The following CDH20 variants were observed in gnomAD, a reference collection of about 807,000 sequenced individuals.
The protein encoded by CDH20 is cadherin 20.
A neutral mutation model predicts 74.2 loss-of-function variants in CDH20; 29 were observed. The ratio of observed to expected loss-of-function variants is 0.39; its 90% confidence interval spans 0.29 to 0.53. The LOEUF (loss-of-function observed/expected upper bound fraction) is 0.53, where lower values mean the gene tolerates loss of function less well. CDH20 is among the 20% of genes least tolerant of loss of function. The pLI is 0.69. For synonymous variants in CDH20, 469 were observed against 405.4 expected (o/e 1.16, Z -1.88); for missense variants, 988 against 1,048.3 (o/e 0.94, Z 0.79).
intron 6 of CDH20, among the ~76,000 whole-genome samples, chr18:61,523,014 T>G (rs1181519339): frequency 6.6e-6 from 1 of 151,792 alleles, no homozygotes; most frequent in Non-Finnish European, 1.5e-5. Flanking sequence ...GGCAAAGGCT[T>G]TGACTAAAAC....
intron 1 of CDH20, among the ~76,000 whole-genome samples, chr18:61,453,578 C>T (rs569068665): frequency 5.3e-5 from 8 of 152,294 alleles, no homozygotes; most frequent in South Asian, 2.1e-4. Flanking sequence ...CACGCCCAGC[C>T]GATCTAACCT....
At chr18:61,440,821 CTT>C (rs775273844) in intron 1 of CDH20, among the ~76,000 whole-genome samples, 1 of 152,122 alleles carries the variant, frequency 6.6e-6, no homozygotes, top group East Asian at 1.9e-4. Flanking sequence ...GCACAGGTCT[CTT>C]GAGGTCTAAG....
At chr18:61,370,415 A>C (rs1201638646) in intron 1 of CDH20, among the ~76,000 whole-genome samples, 1 of 152,106 alleles carries the variant, frequency 6.6e-6, no homozygotes, top group Non-Finnish European at 1.5e-5. Context: ...TCTAAAAGCT[A>C]CTGGATATAG....
intron 1 of CDH20, among the ~76,000 whole-genome samples, chr18:61,443,906 T>C (rs985355523): frequency 3.3e-5 from 5 of 151,778 alleles, no homozygotes; most frequent in Admixed American, 6.6e-5. Flanking sequence ...ATCTGGGAAA[T>C]TGCAGATGGC....
intron 1 of CDH20, among the ~76,000 whole-genome samples, chr18:61,469,399 ACACACC>A (rs981334411): frequency 4.2e-5 from 6 of 144,156 alleles, no homozygotes; most frequent in African/African-American, 1.0e-4. Context: ...ACACACACAC[ACACACC>A]CCTATATAAA....
At chr18:61,373,341 C>T (rs987910665) in intron 1 of CDH20, among the ~76,000 whole-genome samples, 2 of 151,808 alleles carry the variant, frequency 1.3e-5, no homozygotes, top group Non-Finnish European at 2.9e-5. Flanking sequence ...GTGCATAAAA[C>T]CCACAGATTG....
intron 1 of CDH20, among the ~76,000 whole-genome samples, chr18:61,412,735 G>A (rs558501628): frequency 6.6e-6 from 1 of 152,138 alleles, no homozygotes; most frequent in African/African-American, 2.4e-5. Flanking sequence ...ATAAAATACA[G>A]CCATTAAAAA....
At chr18:61,494,179 T>C (rs1330751850) in intron 2 of CDH20, among the ~76,000 whole-genome samples, 2 of 152,320 alleles carry the variant, frequency 1.3e-5, no homozygotes, top group East Asian at 3.9e-4. Context: ...ACATCACTCC[T>C]ACCCCAAAGC....
At chr18:61,448,241 G>A (rs200226908) in intron 1 of CDH20, among the ~76,000 whole-genome samples, 214 of 152,312 alleles carry the variant, frequency 1.4e-3, no homozygotes, top group African/African-American at 5.0e-3. Flanking sequence ...GGGAGCTATA[G>A]AAAGCCTAGC....
intron 6 of CDH20, among the ~76,000 whole-genome samples, 160 bp from the exon 7 acceptor site, chr18:61,527,807 C>T (rs1310792180): frequency 1.3e-5 from 2 of 152,180 alleles, no homozygotes; most frequent in Non-Finnish European, 2.9e-5. Flanking sequence ...AACTACAGAA[C>T]AAGACAAAGA....
chr18:61,490,824 C>T lies in CDH20; in HGVS notation c.246+25C>T, dbSNP rs757647254. 25 of 1,611,386 alleles carry T rather than the reference C, an allele frequency of 1.6e-5. No homozygotes were observed. In the South Asian group the frequency reaches 2.4e-4, roughly 16 times the overall value. On this transcript the variant is annotated intron_variant, in intron 2 of 11. Coordinates refer to ENST00000262717, the MANE Select transcript of CDH20 (RefSeq NM_031891.4). ...GGTAAGAAATGCCAAGTAGAAATGA[C>T]CCGGGTATTGGATATTGAAATTGAA...
At chr18:61,337,209 C>A (rs1384045292) in intron 1 of CDH20, among the ~76,000 whole-genome samples, 1 of 152,142 alleles carries the variant, frequency 6.6e-6, no homozygotes, top group Non-Finnish European at 1.5e-5. Flanking sequence ...CCCCTTTCCC[C>A]CAAAGGCATA....
chr18:61,462,885 T>C (rs1260239362), intron 1 of CDH20, among the ~76,000 whole-genome samples: 1 of 152,152 alleles, frequency 6.6e-6, no homozygotes, highest in Non-Finnish European at 1.5e-5. Flanking sequence ...ATAAAAGCCT[T>C]AGTGCCTAAA....
chr18:61,431,696 GA>G (rs34355752), intron 1 of CDH20, among the ~76,000 whole-genome samples: 1 of 152,106 alleles, frequency 6.6e-6, no homozygotes, highest in South Asian at 2.1e-4. Flanking sequence ...TTGCCATCTT[GA>G]AAAGTGAAAA....
At chr18:61,400,634 G>C (rs1912125803) in intron 1 of CDH20, among the ~76,000 whole-genome samples, 2 of 152,156 alleles carry the variant, frequency 1.3e-5, no homozygotes, top group African/African-American at 4.8e-5. Context: ...TGTGTTAGCT[G>C]TGTCGAAAGT....
intron 1 of CDH20, among the ~76,000 whole-genome samples, chr18:61,388,098 G>C (rs1911661585): frequency 6.6e-6 from 1 of 152,184 alleles, no homozygotes; most frequent in South Asian, 2.1e-4. Flanking sequence ...AGTTCCAGGG[G>C]AGTTCACAGG....
intron 9 of CDH20, among the ~76,000 whole-genome samples, chr18:61,543,711 G>T (rs548319552): frequency 6.6e-6 from 1 of 152,248 alleles, no homozygotes; most frequent in South Asian, 2.1e-4. Flanking sequence ...TCTCCCTCCT[G>T]CCAACAAAAT....
At chr18:61,464,036 C>CA (rs1311248448) in intron 1 of CDH20, among the ~76,000 whole-genome samples, 1 of 152,082 alleles carries the variant, frequency 6.6e-6, no homozygotes, top group East Asian at 1.9e-4. Context: ...ATTAGGGATT[C>CA]AATAAATATT....
intron 1 of CDH20, among the ~76,000 whole-genome samples, chr18:61,387,985 T>C (rs62098081): frequency 0.064 from 9,695 of 152,146 alleles, 454 homozygotes; most frequent in South Asian, 0.15. Flanking sequence ...ACCCTTACAA[T>C]ATTTAATGTT....
Sources: gnomAD v4.1 joint callset for allele counts (sites outside exome capture counted in the v4.1 genomes callset) on GRCh38, gnomAD v4.1.1 for gene constraint, MANE v1.5 for transcripts, NCBI Gene and HGNC (gene_info 2026-07-23, HGNC 2026-07-21) for gene names.